The following DEAF1 variants were observed in gnomAD, a reference collection of about 807,000 sequenced individuals.
DEAF1 encodes DEAF1 transcription factor.
Under a neutral mutation model 58.9 loss-of-function variants are expected in DEAF1, and 53 were observed. The observed-to-expected ratio is 0.90, with a 90% CI of 0.72 to 1.13. DEAF1 has a LOEUF of 1.13. Ranked by LOEUF, DEAF1 falls within the 50% of genes most tolerant of loss-of-function variation. The pLI, the probability that DEAF1 is intolerant of heterozygous loss-of-function variation, is 0.00. For synonymous variants in DEAF1, 385 were observed against 340.4 expected (o/e 1.13, Z -1.44); for missense variants, 685 against 791.4 (o/e 0.87, Z 1.61).
chr11:697,452 C>T (rs1861250378), upstream of DEAF1: 1 of 152,194 alleles, frequency 6.6e-6, no homozygotes, highest in Non-Finnish European at 1.5e-5. Flanking sequence ...AGAATGAGCT[C>T]CTGCAGGTCT....
chr11:653,762 G>A (rs1589974637), intron 11 of DEAF1, among the ~76,000 whole-genome samples, 200 bp downstream of exon 11: 1 of 152,170 alleles, frequency 6.6e-6, no homozygotes, highest in Admixed American at 6.6e-5. Flanking sequence ...CCTCACATGA[G>A]AGCACTACCT....
At chr11:684,190 G>A (rs1327080524) in intron 6 of DEAF1, among the ~76,000 whole-genome samples, 1 of 151,534 alleles carries the variant, frequency 6.6e-6, no homozygotes, top group Admixed American at 6.6e-5. Context: ...GGCTGAGGCG[G>A]GCGGATCACA....
chr11:659,660 T>C (rs1859223691), intron 10 of DEAF1, among the ~76,000 whole-genome samples: 1 of 152,158 alleles, frequency 6.6e-6, no homozygotes, highest in Non-Finnish European at 1.5e-5. Context: ...CGAGTTGGCC[T>C]CGGGGTTCAG....
chr11:650,051 A>C (rs28491722), intron 11 of DEAF1, among the ~76,000 whole-genome samples: 2 of 148,654 alleles, frequency 1.3e-5, no homozygotes, highest in Non-Finnish European at 3.0e-5. Flanking sequence ...AAAAACAAAA[A>C]CAAAACAAAA....
At chr11:669,818 T>C (rs372475056) in intron 10 of DEAF1, among the ~76,000 whole-genome samples, 2 of 148,722 alleles carry the variant, frequency 1.3e-5, no homozygotes, top group East Asian at 4.0e-4. Context: ...TAATCCCAGC[T>C]ATTCGGGAGG....
At chr11:662,460 C>A (rs1269990961) in intron 10 of DEAF1, among the ~76,000 whole-genome samples, 1 of 152,162 alleles carries the variant, frequency 6.6e-6, no homozygotes, top group Non-Finnish European at 1.5e-5. Context: ...GGGAACCATT[C>A]AGTACTTCCT....
intron 10 of DEAF1, among the ~76,000 whole-genome samples, chr11:655,713 T>A (rs1460007876): frequency 6.6e-6 from 1 of 152,000 alleles, no homozygotes; most frequent in African/African-American, 2.4e-5. Context: ...CTTTAACATT[T>A]TTCCAGTTGT....
chr11:698,719 G>C (rs892097881), upstream of DEAF1: 7 of 890,926 alleles, frequency 7.9e-6, no homozygotes, highest in African/African-American at 1.1e-4. Context: ...GAGCTATCTA[G>C]TGGCAGGCCC....
At chr11:657,412 G>C (rs1353821211) in intron 10 of DEAF1, among the ~76,000 whole-genome samples, 1 of 152,192 alleles carries the variant, frequency 6.6e-6, no homozygotes, top group African/African-American at 2.4e-5. Context: ...CAGATGGTGT[G>C]CTTCACAAGA....
chr11:703,271 G>A, intron 1 of DEAF1: 2 of 1,446,148 alleles, frequency 1.4e-6, no homozygotes, highest in East Asian at 5.0e-5. Context: ...GCCATAGATG[G>A]TTTTGGATGG....
chr11:648,498 G>C (rs1358184468), intron 11 of DEAF1, among the ~76,000 whole-genome samples: 1 of 152,120 alleles, frequency 6.6e-6, no homozygotes, highest in Non-Finnish European at 1.5e-5. Context: ...CCCAGCTGAA[G>C]GCAGCTTTTT....
intron 10 of DEAF1, among the ~76,000 whole-genome samples, chr11:668,765 T>G (rs962178968): frequency 1.3e-5 from 2 of 152,154 alleles, no homozygotes. Context: ...GAGGCTGCAG[T>G]GAGCCGAGGT....
At chr11:677,372 G>GCA (rs1244682178) in intron 9 of DEAF1, among the ~76,000 whole-genome samples, 839 of 60,762 alleles carry the variant, frequency 0.014, 1 homozygote, top group East Asian at 0.027. Context: ...GGTGGCGCGT[G>GCA]CCTGAAGTCT....
chr11:666,642 T>C (rs1859537866), intron 10 of DEAF1, among the ~76,000 whole-genome samples: 1 of 151,630 alleles, frequency 6.6e-6, no homozygotes, highest in Non-Finnish European at 1.5e-5. Flanking sequence ...GAGGCAGAGG[T>C]TGCAGTGAGC....
At chr11:671,826 TAAAA>T (rs35325757) in intron 10 of DEAF1, among the ~76,000 whole-genome samples, 2 of 63,644 alleles carry the variant, frequency 3.1e-5, no homozygotes, top group African/African-American at 6.9e-5. Context: ...CCTTACCTCT[TAAAA>T]AAAAAAAAAA....
At chr11:645,661 C>A (rs918935305) in intron 11 of DEAF1, among the ~76,000 whole-genome samples, 2 of 152,168 alleles carry the variant, frequency 1.3e-5, no homozygotes, top group African/African-American at 4.8e-5. Flanking sequence ...CAAACTGGAA[C>A]CAGCCCGTGG....
In DEAF1 at chr11:654,203, C is replaced by G. The variant is rs531512611; in HGVS notation, c.1504-152G>C. 5 of 629,410 alleles carry G rather than the reference C, an allele frequency of 7.9e-6. No homozygotes were observed. In the East Asian group the frequency reaches 8.6e-5, roughly 11 times the overall value. The allele number at this position is 629,410 out of a possible 1,614,324, so 39.0% of individuals were successfully genotyped here. A position where few individuals can be genotyped will look rare whatever the true frequency, so the allele number is the denominator to read the frequency against. Reference sequence around the variant, plus strand: ...TTTTTTTTTGAGATGGAGTCTCACTCTGTCGCCCAGGCTGGAGTGCCGTGG... The same window carrying G: ...TTTTTTTTTGAGATGGAGTCTCACTGTGTCGCCCAGGCTGGAGTGCCGTGG... On this transcript the variant is annotated intron_variant, in intron 10 of 11. Transcript: ENST00000382409.
chr11:701,201 A>T (rs7116304), intron 1 of DEAF1: 18,180 of 178,910 alleles, frequency 0.1, 1,056 homozygotes, highest in Middle Eastern at 0.19. Flanking sequence ...TTTTTTTGAG[A>T]CGAGGTCTCA....
intron 10 of DEAF1, among the ~76,000 whole-genome samples, chr11:664,167 C>T (rs1859435033): frequency 1.3e-5 from 2 of 151,468 alleles, no homozygotes; most frequent in Admixed American, 1.3e-4. Flanking sequence ...GAGCCGAGAT[C>T]ACGCCATTGC....
Sources: allele counts gnomAD v4.1 joint callset (sites outside exome capture counted in the v4.1 genomes callset), GRCh38; gene constraint gnomAD v4.1.1; transcripts MANE v1.5; gene names NCBI Gene and HGNC (gene_info 2026-07-23, HGNC 2026-07-21).